Variants in CSTPP1 observed in about 807,000 individuals in gnomAD.
CSTPP1 encodes UPF0705 protein C11orf49.
chr11:47,133,123 C>T, the CSTPP1 span, among the ~76,000 whole-genome samples: 2 of 152,152 alleles, frequency 1.3e-5, no homozygotes, highest in African/African-American at 2.4e-5. Flanking sequence ...GATTTGGACC[C>T]GAACAATCTA....
the CSTPP1 span, among the ~76,000 whole-genome samples, chr11:47,091,671 C>G: frequency 6.6e-6 from 1 of 152,106 alleles, no homozygotes; most frequent in South Asian, 2.1e-4. Flanking sequence ...CCAGGATTAT[C>G]CAGGTGAACC....
the CSTPP1 span, chr11:47,161,432 T>A: frequency 6.2e-7 from 1 of 1,611,988 alleles, no homozygotes; most frequent in Non-Finnish European, 8.5e-7. Flanking sequence ...AGGAGGCCTC[T>A]CGCTGCCCTC....
chr11:47,117,243 A>G, the CSTPP1 span, among the ~76,000 whole-genome samples: 1 of 152,120 alleles, frequency 6.6e-6, no homozygotes, highest in Admixed American at 6.6e-5. Flanking sequence ...TGGTCTTTAC[A>G]ATTTGGCATG....
At chr11:46,989,384 A>G in the CSTPP1 span, among the ~76,000 whole-genome samples, 11 of 151,466 alleles carry the variant, frequency 7.3e-5, no homozygotes, top group Admixed American at 7.2e-4. Flanking sequence ...GTAGCCTTGA[A>G]CTCCTGGGTT....
chr11:47,087,963 G>A, the CSTPP1 span, among the ~76,000 whole-genome samples: 1 of 151,878 alleles, frequency 6.6e-6, no homozygotes, highest in South Asian at 2.1e-4. Context: ...TCTAAGCTCA[G>A]TCATGTGGGA....
the CSTPP1 span, among the ~76,000 whole-genome samples, chr11:47,036,346 GTATTT>G: frequency 8.2e-5 from 8 of 97,520 alleles, 1 homozygote; most frequent in African/African-American, 2.4e-4. Flanking sequence ...GAAGCAAATT[GTATTT>G]CAAATGAATA....
chr11:46,989,410 C>T, the CSTPP1 span, among the ~76,000 whole-genome samples: 2 of 152,140 alleles, frequency 1.3e-5, no homozygotes, highest in African/African-American at 2.4e-5. Flanking sequence ...AATCCTCCTG[C>T]CTCAGCCTCC....
chr11:47,116,662 A>G, the CSTPP1 span, among the ~76,000 whole-genome samples: 2 of 100,328 alleles, frequency 2.0e-5, no homozygotes, highest in African/African-American at 7.3e-5. Context: ...TTTGCTTTCC[A>G]TTTGCTTGGT....
chr11:47,164,343 T>C, the CSTPP1 span: 14 of 1,333,160 alleles, frequency 1.1e-5, no homozygotes, highest in South Asian at 1.7e-4. Context: ...AGGGGCTTTA[T>C]TTTGACACCA....
At chr11:46,995,699 A>G in the CSTPP1 span, among the ~76,000 whole-genome samples, 4 of 152,340 alleles carry the variant, frequency 2.6e-5, no homozygotes, top group South Asian at 8.3e-4. Flanking sequence ...ACTACCAACT[A>G]TGTGGTCAAT....
the CSTPP1 span, among the ~76,000 whole-genome samples, chr11:47,139,421 C>G: frequency 2.9e-4 from 44 of 152,290 alleles, no homozygotes; most frequent in East Asian, 7.9e-3. Flanking sequence ...TGCCTGTAAT[C>G]CCAGCACTTT....
the CSTPP1 span, among the ~76,000 whole-genome samples, chr11:47,125,142 A>G: frequency 2.0e-5 from 3 of 152,228 alleles, no homozygotes. Flanking sequence ...TACATTACAT[A>G]TACCCATAAA....
At chr11:47,123,950 CA>C in the CSTPP1 span, among the ~76,000 whole-genome samples, 1 of 151,736 alleles carries the variant, frequency 6.6e-6, no homozygotes, top group East Asian at 1.9e-4. Flanking sequence ...GACTCTGTCT[CA>C]AAAAACAAAC....
At chr11:47,083,701 G>A in the CSTPP1 span, among the ~76,000 whole-genome samples, 999 of 152,178 alleles carry the variant, frequency 6.6e-3, 8 homozygotes, top group African/African-American at 0.021. Flanking sequence ...TAATGATGTC[G>A]AACATCTTTT....
the CSTPP1 span, among the ~76,000 whole-genome samples, chr11:46,943,946 A>G: frequency 5.3e-5 from 8 of 152,176 alleles, no homozygotes; most frequent in African/African-American, 1.9e-4. Flanking sequence ...GCTTGAGCCC[A>G]GGAGGTCAAG....
the CSTPP1 span, among the ~76,000 whole-genome samples, chr11:47,013,254 G>C: frequency 1.3e-5 from 2 of 148,942 alleles, no homozygotes; most frequent in Admixed American, 6.7e-5. Flanking sequence ...GTTTTGTTTT[G>C]TTTTAAGTTC....
chr11:47,151,614 G>A, the CSTPP1 span, among the ~76,000 whole-genome samples: 1 of 151,696 alleles, frequency 6.6e-6, no homozygotes, highest in Non-Finnish European at 1.5e-5. Context: ...AAGTTTCCAG[G>A]ATGTCTAGTA....
the CSTPP1 span, among the ~76,000 whole-genome samples, chr11:47,028,379 G>A: frequency 6.6e-6 from 1 of 152,082 alleles, no homozygotes; most frequent in Non-Finnish European, 1.5e-5. Context: ...GGATCATATT[G>A]TTCACTTACT....
At chr11:46,967,290 G>A in the CSTPP1 span, among the ~76,000 whole-genome samples, 1 of 152,042 alleles carries the variant, frequency 6.6e-6, no homozygotes, top group Non-Finnish European at 1.5e-5. Flanking sequence ...TATGAATATC[G>A]AAGTATTCCA....
Sources: gnomAD v4.1 joint callset for allele counts (sites outside exome capture counted in the v4.1 genomes callset) on GRCh38, gnomAD v4.1.1 for gene constraint, MANE v1.5 for transcripts, NCBI Gene and HGNC (gene_info 2026-07-23, HGNC 2026-07-21) for gene names.